DST: variants seen among roughly 807,000 people sequenced by gnomAD.
DST encodes the protein bullous pemphigoid antigen.
In DST, 253 loss-of-function variants were observed where a neutral mutation model predicts 875.2. That is an observed-to-expected ratio of 0.29 (90% CI 0.26 to 0.32). The LOEUF (loss-of-function observed/expected upper bound fraction) is 0.32. DST is among the 10% of genes least tolerant of loss of function. The probability of loss-of-function intolerance (pLI) is 1.00; values close to 1 mark genes in which losing one functional copy is unlikely to be tolerated. For missense variants in DST, 8,287 were observed against 9,111.6 expected (o/e 0.91, Z 3.68); for synonymous variants, 3,124 against 3,197.1 (o/e 0.98, Z 0.77).
At chr6:56,512,859 AT>A (rs2096505606) in intron 72 of DST, among the ~76,000 whole-genome samples, 1 of 152,230 alleles carries the variant, frequency 6.6e-6, no homozygotes, top group Non-Finnish European at 1.5e-5. Flanking sequence ...AGAGTCTAAT[AT>A]AGCATGCTGC....
At chr6:56,462,478 T>C (rs2094383976) in intron 102 of DST, among the ~76,000 whole-genome samples, 1 of 152,274 alleles carries the variant, frequency 6.6e-6, no homozygotes, top group African/African-American at 2.4e-5. Context: ...TACCTAAGCC[T>C]ACCCCTCTGA....
At chr6:56,530,747 T>G (rs2096883037) in intron 64 of DST, among the ~76,000 whole-genome samples, 1 of 152,228 alleles carries the variant, frequency 6.6e-6, no homozygotes, top group African/African-American at 2.4e-5. Flanking sequence ...TTACTGGTAC[T>G]TTAAAATATC....
At chr6:56,657,504 A>C (rs2099015437) in intron 10 of DST, among the ~76,000 whole-genome samples, 1 of 152,096 alleles carries the variant, frequency 6.6e-6, no homozygotes, top group Non-Finnish European at 1.5e-5. Context: ...AAAACACTGG[A>C]CCACAGTTTC....
In DST at chr6:56,781,428, G is replaced by C. The variant is rs544312626; in HGVS notation, c.626-46139C>G. Among the ~76,000 whole-genome samples the C allele has an allele frequency of 1.3e-4, 20 of 152,232 alleles. No individual in the cohort carries two copies. In the East Asian group the frequency reaches 3.5e-3, roughly 26 times the overall value. ...AGTGGTTTGTAGTTCTCCTTGAAGA[G>C]GTCCTTCACGTCCCTTGTAAGTTGG... On this transcript the variant is annotated intron_variant, in intron 4 of 103. Transcript: ENST00000680361.
chr6:56,790,481 A>G (rs570816165), intron 4 of DST, among the ~76,000 whole-genome samples: 1 of 152,330 alleles, frequency 6.6e-6, no homozygotes, highest in South Asian at 2.1e-4. Context: ...GATAAAGCCT[A>G]TTATTAATCT....
chr6:56,531,896 CT>C (rs34224935), intron 64 of DST, among the ~76,000 whole-genome samples: 101,850 of 151,962 alleles, frequency 0.67, 34,450 homozygotes, highest in Non-Finnish European at 0.7. Flanking sequence ...TTCCCTGCCC[CT>C]AGGCTAGGTT....
chr6:56,478,291 G>C (rs982560469), intron 90 of DST, among the ~76,000 whole-genome samples: 17 of 152,118 alleles, frequency 1.1e-4, no homozygotes, highest in Admixed American at 2.6e-4. Flanking sequence ...TAAATGTTTG[G>C]GGGTATGGGA....
chr6:56,728,461 A>G (rs892201567), intron 5 of DST, among the ~76,000 whole-genome samples: 3 of 152,164 alleles, frequency 2.0e-5, no homozygotes, highest in African/African-American at 7.2e-5. Context: ...CCCAACACCT[A>G]GGGAGACAAA....
intron 9 of DST, among the ~76,000 whole-genome samples, chr6:56,685,364 A>C (rs1300931393): frequency 1.3e-5 from 2 of 152,212 alleles, no homozygotes; most frequent in Non-Finnish European, 2.9e-5. Flanking sequence ...ACTTCGCAAA[A>C]GAAGTCATAC....
intron 3 of DST, among the ~76,000 whole-genome samples, chr6:56,866,692 T>C (rs936684772): frequency 2.6e-5 from 4 of 152,222 alleles, no homozygotes; most frequent in African/African-American, 4.8e-5. Context: ...ATCTGAAACA[T>C]TATGTATTTA....
At chr6:56,760,763 T>C (rs142856924) in intron 4 of DST, among the ~76,000 whole-genome samples, 4 of 152,312 alleles carry the variant, frequency 2.6e-5, no homozygotes, top group African/African-American at 4.8e-5. Context: ...AGGAATTGTT[T>C]TGAGTACTTT....
At chr6:56,692,842 A>G in intron 9 of DST, 1 of 1,289,828 alleles carries the variant, frequency 7.8e-7, no homozygotes, top group East Asian at 5.5e-5. Flanking sequence ...GCTGTCAGCT[A>G]CAACTTCTGT....
chr6:56,463,893 C>T lies in DST; in HGVS notation c.22760-129G>A, dbSNP rs1473184971. Reference sequence around the variant, plus strand: ...GAGAATTTCAAGAACATCTTTTTGCCATGCCAACTCCAACTCAGCATAACA... The same window carrying T: ...GAGAATTTCAAGAACATCTTTTTGCTATGCCAACTCCAACTCAGCATAACA... On this transcript the variant is annotated intron_variant, in intron 100 of 103. Transcript: ENST00000680361. 10 of 959,934 alleles carry T rather than the reference C, an allele frequency of 1.0e-5. No individual in the cohort carries two copies. The East Asian group carries it at 1.4e-4, about 14-fold the overall frequency. 59.5% of individuals were successfully genotyped at this position (959,934 alleles called of 1,614,324 possible).
intron 89 of DST, 136 bp from the exon 90 acceptor site, chr6:56,482,314 C>T: frequency 4.1e-6 from 4 of 984,742 alleles, no homozygotes; most frequent in Non-Finnish European, 5.5e-6. Flanking sequence ...TCATTACTCC[C>T]ATTAAGAAGA....
In DST at chr6:56,840,898, G is replaced by C. The variant is rs185937884; in HGVS notation, c.625+10499C>G. On this transcript the variant is annotated intron_variant, in intron 4 of 103. Transcript: ENST00000680361. ...CCACTTACACTACTCAACAGCTGAGGCATATGATAACTTGGCAACCTGATA... is the reference window on the plus strand; with the variant it reads ...CCACTTACACTACTCAACAGCTGAGCCATATGATAACTTGGCAACCTGATA... Among the ~76,000 whole-genome samples, 38 of 152,278 alleles carry C rather than the reference G, an allele frequency of 2.5e-4. No homozygotes were observed. The East Asian group carries it at 6.9e-3, about 28-fold the overall frequency.
At chr6:56,950,896 A>G (rs945195213) in intron 2 of DST, among the ~76,000 whole-genome samples, 4 of 152,182 alleles carry the variant, frequency 2.6e-5, no homozygotes, top group African/African-American at 9.7e-5. Flanking sequence ...AAACATCTAT[A>G]TTACTTATTT....
At chr6:56,706,204 C>T (rs2099334468) in intron 5 of DST, among the ~76,000 whole-genome samples, 3 of 151,910 alleles carry the variant, frequency 2.0e-5, no homozygotes, top group Non-Finnish European at 4.4e-5. Flanking sequence ...ATCCCAGCTA[C>T]TTGGGAGGCT....
intron 4 of DST, among the ~76,000 whole-genome samples, chr6:56,805,626 T>C (rs1222701100): frequency 6.6e-6 from 1 of 152,186 alleles, no homozygotes; most frequent in Non-Finnish European, 1.5e-5. Context: ...AGAACTACAA[T>C]AAGCTGCTAA....
chr6:56,841,358 A>G (rs1414058267), intron 4 of DST, among the ~76,000 whole-genome samples: 1 of 152,214 alleles, frequency 6.6e-6, no homozygotes, highest in Admixed American at 6.5e-5. Context: ...CATTTTAAAA[A>G]CCTTAAGTAA....
Sources: allele counts gnomAD v4.1 joint callset (sites outside exome capture counted in the v4.1 genomes callset), GRCh38; gene constraint gnomAD v4.1.1; transcripts MANE v1.5; gene names NCBI Gene and HGNC (gene_info 2026-07-23, HGNC 2026-07-21).